The following COBL variants were observed in gnomAD, a reference collection of about 807,000 sequenced individuals.
COBL encodes the protein protein cordon-bleu.
COBL carries 51 observed loss-of-function variants against 98.8 expected under a neutral mutation model. That is an observed-to-expected ratio of 0.52 (90% CI 0.41 to 0.65). The LOEUF (loss-of-function observed/expected upper bound fraction) is 0.65, where lower values mean the gene tolerates loss of function less well. Among genes scored for constraint, COBL ranks in the 30% least tolerant of loss-of-function variants. The probability of loss-of-function intolerance (pLI) is 0.00; values close to 1 mark genes in which losing one functional copy is unlikely to be tolerated. For missense variants in COBL, 1,617 were observed against 1,617.5 expected (o/e 1.00, Z 0.01); for synonymous variants, 634 against 651.7 (o/e 0.97, Z 0.41).
At chr7:51,115,435 G>GTAGC (rs1797190628) in intron 6 of COBL, among the ~76,000 whole-genome samples, 1 of 151,954 alleles carries the variant, frequency 6.6e-6, no homozygotes, top group Non-Finnish European at 1.5e-5. Flanking sequence ...AAGGACTGCT[G>GTAGC]TAGCTAGATC....
chr7:51,198,020 G>T (rs1790753631), intron 2 of COBL, among the ~76,000 whole-genome samples: 1 of 152,154 alleles, frequency 6.6e-6, no homozygotes, highest in African/African-American at 2.4e-5. Context: ...TACATTCAAG[G>T]TTAGTATTGA....
At chr7:51,106,359 A>C (rs1008785953) in intron 6 of COBL, among the ~76,000 whole-genome samples, 2 of 152,224 alleles carry the variant, frequency 1.3e-5, no homozygotes, top group African/African-American at 2.4e-5. Context: ...GTAATAAAGC[A>C]GTGCCGACCC....
At chr7:51,061,566 A>G (rs967642702) in intron 7 of COBL, among the ~76,000 whole-genome samples, 8 of 152,166 alleles carry the variant, frequency 5.3e-5, no homozygotes, top group Non-Finnish European at 1.2e-4. Flanking sequence ...GCAATGGCTA[A>G]GCAAGGGGTG....
At chr7:51,134,472 T>C (rs1799036181) in intron 6 of COBL, among the ~76,000 whole-genome samples, 1 of 152,226 alleles carries the variant, frequency 6.6e-6, no homozygotes, top group South Asian at 2.1e-4. Flanking sequence ...CTTTATCCAC[T>C]GTGGGTAAGC....
intron 7 of COBL, among the ~76,000 whole-genome samples, chr7:51,048,928 G>C (rs779246408): frequency 6.6e-6 from 1 of 152,110 alleles, no homozygotes; most frequent in Non-Finnish European, 1.5e-5. Flanking sequence ...GGCAGGGTTT[G>C]GCATAAATTC....
chr7:51,131,475 T>C (rs1004321411), intron 6 of COBL, among the ~76,000 whole-genome samples: 2 of 152,184 alleles, frequency 1.3e-5, no homozygotes, highest in African/African-American at 4.8e-5. Flanking sequence ...CTCTGTAACA[T>C]GCCAGGTATT....
intron 1 of COBL, chr7:51,316,378 C>G: frequency 3.0e-6 from 1 of 335,070 alleles, no homozygotes; most frequent in Non-Finnish European, 5.3e-6. Context: ...GACACGGTTA[C>G]CTGGGCAACG....
chr7:51,123,803 T>C (rs1350980981), intron 6 of COBL, among the ~76,000 whole-genome samples: 1 of 152,200 alleles, frequency 6.6e-6, no homozygotes, highest in African/African-American at 2.4e-5. Flanking sequence ...ATTGCAGTGC[T>C]ACGCCATGTG....
intron 1 of COBL, among the ~76,000 whole-genome samples, chr7:51,220,993 T>C (rs550829882): frequency 1.6e-4 from 25 of 152,338 alleles, no homozygotes; most frequent in Non-Finnish European, 3.2e-4. Context: ...TGGTATTTTA[T>C]TGTCGTGGTA....
intron 6 of COBL, among the ~76,000 whole-genome samples, chr7:51,088,465 C>T (rs1794499527): frequency 6.6e-6 from 1 of 151,774 alleles, no homozygotes; most frequent in Admixed American, 6.6e-5. Context: ...TTAAAAATAG[C>T]ATCATGGTCT....
intron 2 of COBL, among the ~76,000 whole-genome samples, chr7:51,213,110 C>A (rs1189891133): frequency 6.6e-6 from 1 of 152,190 alleles, no homozygotes; most frequent in Non-Finnish European, 1.5e-5. Context: ...GGGACCAAGG[C>A]CACTCTGTGG....
intron 6 of COBL, among the ~76,000 whole-genome samples, chr7:51,088,152 G>C (rs546993161): frequency 7.2e-5 from 11 of 152,162 alleles, no homozygotes; most frequent in Admixed American, 5.2e-4. Context: ...TTCATTCATT[G>C]TCTGGGGCAT....
At chr7:51,172,458 T>C in intron 5 of COBL, 1 of 1,288,416 alleles carries the variant, frequency 7.8e-7, no homozygotes, top group Non-Finnish European at 1.0e-6. Flanking sequence ...GTACTCACGT[T>C]CAAACCCCTT....
At chr7:51,204,597 G>GCTC (rs1791487715) in intron 2 of COBL, among the ~76,000 whole-genome samples, 1 of 150,900 alleles carries the variant, frequency 6.6e-6, no homozygotes, top group Admixed American at 6.6e-5. Context: ...CTGTCGCCAG[G>GCTC]CTGGAGTGCA....
chr7:51,165,163 A>G (rs1345050705), intron 5 of COBL, among the ~76,000 whole-genome samples: 4 of 152,024 alleles, frequency 2.6e-5, no homozygotes, highest in Non-Finnish European at 5.9e-5. Context: ...TAAACTCTCA[A>G]AAAACAGACT....
intron 1 of COBL, among the ~76,000 whole-genome samples, chr7:51,231,730 T>A (rs1258398829): frequency 6.6e-6 from 1 of 151,970 alleles, no homozygotes; most frequent in African/African-American, 2.4e-5. Context: ...GGGTGCAGGG[T>A]GGGCCGAGCC....
chr7:51,175,531 T>C (rs548759133), intron 5 of COBL, among the ~76,000 whole-genome samples: 1 of 152,380 alleles, frequency 6.6e-6, no homozygotes, highest in Non-Finnish European at 1.5e-5. Context: ...TGAGAACAGG[T>C]TTGATACATC....
Position 51,193,367 on chromosome 7 carries a change from G to A in COBL, c.456+12C>T. Reference sequence around the variant, plus strand: ...TTCAGACACAGGTATTTCCATGTAGGTACCTACTAACCTCAGGCACCTTAG... The same window carrying A: ...TTCAGACACAGGTATTTCCATGTAGATACCTACTAACCTCAGGCACCTTAG... On this transcript the variant is annotated intron_variant, in intron 3 of 12. Coordinates refer to ENST00000265136, the MANE Select transcript of COBL (RefSeq NM_015198.5). 3 of 1,612,390 alleles carry A rather than the reference G, an allele frequency of 1.9e-6. No individual in the cohort carries two copies. Among genetic ancestry groups the A allele is most frequent in the Middle Eastern group, 1.7e-4 (1 of 6,048 alleles).
chr7:51,055,124 A>G (rs1790612447), intron 7 of COBL, among the ~76,000 whole-genome samples: 1 of 152,198 alleles, frequency 6.6e-6, no homozygotes, highest in Admixed American at 6.5e-5. Flanking sequence ...TTCTCAGAAC[A>G]AGTCCTTCTC....
Sources: gnomAD v4.1 joint callset for allele counts (sites outside exome capture counted in the v4.1 genomes callset) on GRCh38, gnomAD v4.1.1 for gene constraint, MANE v1.5 for transcripts, NCBI Gene and HGNC (gene_info 2026-07-23, HGNC 2026-07-21) for gene names.